The following PALM2AKAP2 variants were observed in gnomAD, a reference collection of about 807,000 sequenced individuals.
PALM2AKAP2 encodes the protein PALM2 and AKAP2 fusion, also known as PALM2-AKAP2 fusion protein.
In PALM2AKAP2, 37 loss-of-function variants were observed where a neutral mutation model predicts 71.5. That is an observed-to-expected ratio of 0.52 (90% CI 0.40 to 0.68). The LOEUF is 0.68. PALM2AKAP2 is among the 30% of genes least tolerant of loss of function. The probability of loss-of-function intolerance (pLI) is 0.00; values close to 1 mark genes in which losing one functional copy is unlikely to be tolerated. For missense variants in PALM2AKAP2, 1,224 were observed against 1,191.8 expected, an observed-to-expected ratio of 1.03 and a Z score of -0.40; for synonymous variants, 468 against 478.8, an observed-to-expected ratio of 0.98 and a Z score of 0.29.
At chr9:109,840,468 A>C (rs1292403469) in intron 1 of PALM2AKAP2, among the ~76,000 whole-genome samples, 2 of 152,256 alleles carry the variant, frequency 1.3e-5, no homozygotes, top group Non-Finnish European at 2.9e-5. Flanking sequence ...CAAGGACTTC[A>C]TGTCTAAAAC....
intron 1 of PALM2AKAP2, among the ~76,000 whole-genome samples, chr9:110,092,211 A>G (rs533132466): frequency 1.3e-5 from 2 of 152,296 alleles, no homozygotes; most frequent in South Asian, 4.1e-4. Context: ...GCATTCCTGT[A>G]GTCCCAGCTA....
At chr9:110,072,583 G>C (rs1834228115) in intron 1 of PALM2AKAP2, among the ~76,000 whole-genome samples, 1 of 152,236 alleles carries the variant, frequency 6.6e-6, no homozygotes, top group African/African-American at 2.4e-5. Flanking sequence ...AGAAGCCATT[G>C]GTTTGAGTGA....
exon 2 of PALM2AKAP2, chr9:110,136,982 A>G: frequency 5.0e-6 from 8 of 1,614,104 alleles, no homozygotes; most frequent in South Asian, 1.1e-5. Flanking sequence ...GCAGGAAAAA[A>G]CCATCGAGGA....
At chr9:109,900,185 A>G (rs990118537) in intron 3 of PALM2AKAP2, among the ~76,000 whole-genome samples, 2 of 152,254 alleles carry the variant, frequency 1.3e-5, no homozygotes, top group African/African-American at 4.8e-5. Flanking sequence ...ATTGGCATGC[A>G]ATCATGACAA....
At chr9:110,091,221 A>G (rs1362057936) in intron 1 of PALM2AKAP2, among the ~76,000 whole-genome samples, 1 of 152,108 alleles carries the variant, frequency 6.6e-6, no homozygotes, top group Non-Finnish European at 1.5e-5. Context: ...TGAAGAATGG[A>G]GCTGCACGTG....
intron 1 of PALM2AKAP2, among the ~76,000 whole-genome samples, chr9:109,809,827 C>T (rs957323994): frequency 6.6e-6 from 1 of 152,156 alleles, no homozygotes. Context: ...TGTTGCTGTT[C>T]TCATTATAGT....
intron 1 of PALM2AKAP2, among the ~76,000 whole-genome samples, chr9:109,650,631 G>T (rs903693557): frequency 6.6e-6 from 1 of 152,082 alleles, no homozygotes; most frequent in African/African-American, 2.4e-5. Context: ...TCACTAAGTT[G>T]TCCAAGTTGG....
chr9:109,819,187 T>C (rs1827926331), intron 1 of PALM2AKAP2, among the ~76,000 whole-genome samples: 1 of 152,216 alleles, frequency 6.6e-6, no homozygotes, highest in African/African-American at 2.4e-5. Context: ...GATGGCAAAT[T>C]GACATTGGGT....
chr9:110,080,976 C>T (rs1834436692), intron 1 of PALM2AKAP2, among the ~76,000 whole-genome samples: 1 of 152,198 alleles, frequency 6.6e-6, no homozygotes, highest in African/African-American at 2.4e-5. Context: ...GCACTGCGCC[C>T]AGCCAAATGT....
rs771281592 is a variant in PALM2AKAP2 at position 109,932,010 on chromosome 9, G to A, written c.478G>A (p.Gly160Arg). ...AGCAGAACCATCACCTGGGCAGGAC[G>A]GGACCAGCAGAGCGGCTGGTAAGTC... The change falls in exon 6 of 10, where the codon GGG (glycine) becomes AGG (arginine). Residue 160 changes from glycine to arginine, a missense_variant. Physicochemically the swap from Gly to Arg is moderately radical, Grantham distance 125. Coordinates refer to the PALM2AKAP2 transcript ENST00000302798. 9.9e-6 allele frequency: 16 copies of A among 1,613,070 alleles called. No individual in the cohort carries two copies. In the Admixed American group the frequency reaches 1.2e-4, roughly 12 times the overall value.
intron 1 of PALM2AKAP2, among the ~76,000 whole-genome samples, chr9:109,865,366 T>C (rs1829423019): frequency 6.6e-6 from 1 of 152,192 alleles, no homozygotes; most frequent in Admixed American, 6.5e-5. Flanking sequence ...CCCAAAGTGC[T>C]GGGATTACAG....
chr9:110,021,284 T>G (rs61187871), intron 7 of PALM2AKAP2, among the ~76,000 whole-genome samples: 13,694 of 152,166 alleles, frequency 0.09, 726 homozygotes, highest in Middle Eastern at 0.16. Flanking sequence ...AACACGTGGA[T>G]CCACCAGTAG....
chr9:109,832,163 T>C (rs529201605), intron 1 of PALM2AKAP2, among the ~76,000 whole-genome samples: 128 of 152,178 alleles, frequency 8.4e-4, no homozygotes, highest in Non-Finnish European at 1.6e-3. Context: ...TCTCAAGAGG[T>C]CACACGCAGA....
intron 1 of PALM2AKAP2, among the ~76,000 whole-genome samples, chr9:109,746,413 T>C (rs982317834): frequency 1.3e-5 from 2 of 152,318 alleles, no homozygotes; most frequent in Middle Eastern, 3.4e-3. Flanking sequence ...CAGGGCACAA[T>C]AGGTCCCCAA....
chr9:109,906,846 T>C (rs1830457072), intron 3 of PALM2AKAP2, among the ~76,000 whole-genome samples: 1 of 152,208 alleles, frequency 6.6e-6, no homozygotes, highest in African/African-American at 2.4e-5. Flanking sequence ...TCAAATGGCT[T>C]TCTGTTACTT....
At chr9:110,084,476 A>G (rs1834515054) in intron 1 of PALM2AKAP2, among the ~76,000 whole-genome samples, 1 of 152,176 alleles carries the variant, frequency 6.6e-6, no homozygotes, top group Admixed American at 6.5e-5. Context: ...AAAGAGGTTA[A>G]AGTACCAAGG....
chr9:109,673,818 A>T (rs867948215), intron 1 of PALM2AKAP2, among the ~76,000 whole-genome samples: 36 of 151,852 alleles, frequency 2.4e-4, no homozygotes, highest in African/African-American at 8.7e-4. Context: ...TAGTTACATT[A>T]TCTTGTTGAA....
chr9:109,976,388 G>A (rs116020402), intron 6 of PALM2AKAP2, among the ~76,000 whole-genome samples: 1,547 of 152,310 alleles, frequency 0.01, 32 homozygotes, highest in African/African-American at 0.035. Context: ...GATCAAACAA[G>A]TAGGAAGAGG....
intron 6 of PALM2AKAP2, among the ~76,000 whole-genome samples, chr9:109,986,232 T>A (rs78608237): frequency 6.7e-6 from 1 of 149,512 alleles, no homozygotes; most frequent in Non-Finnish European, 1.5e-5. Flanking sequence ...GTGTATTTGA[T>A]TGAATGTAAT....
Sources: allele counts gnomAD v4.1 joint callset (sites outside exome capture counted in the v4.1 genomes callset), GRCh38; gene constraint gnomAD v4.1.1; transcripts MANE v1.5; gene names NCBI Gene and HGNC (gene_info 2026-07-23, HGNC 2026-07-21).